The following FES variants were observed in gnomAD, a reference collection of about 807,000 sequenced individuals.
FES encodes FES proto-oncogene, tyrosine kinase, also known as tyrosine-protein kinase Fes/Fps.
FES carries 83 observed loss-of-function variants against 109.6 expected under a neutral mutation model. The ratio of observed to expected loss-of-function variants is 0.76; its 90% CI spans 0.63 to 0.91. The LOEUF (loss-of-function observed/expected upper bound fraction) is 0.91. Ranked by LOEUF, FES falls within the 40% of genes least tolerant of loss-of-function variation. The pLI, the probability that FES is intolerant of heterozygous loss-of-function variation, is 0.00. For synonymous variants in FES, 458 were observed against 442.1 expected (o/e 1.04, Z -0.45); for missense variants, 943 against 1,070.9 (o/e 0.88, Z 1.67).
In FES at chr15:90,890,821, C is replaced by T. The variant is rs573576019; in HGVS notation, c.1321-161C>T. 1.9e-3 allele frequency among the ~76,000 whole-genome samples: 286 copies of T among 152,296 alleles called. 1 individual carries two copies. Among genetic ancestry groups the T allele is most frequent in the African/African-American group, 6.5e-3 (272 of 41,570 alleles). ...AGCTCTGCCCAGCGTGAGCCTGGGC[C>T]AGTCCAGTGCCCACTCCAGGGGCCT... On this transcript the variant is annotated intron_variant, in intron 10 of 18. Transcript: ENST00000328850.
At position 90,895,460 on chromosome 15, in the gene FES, A is replaced by T; in HGVS notation, c.2371A>T (p.Arg791Trp). 1 of 1,587,944 alleles carries T rather than the reference A, an allele frequency of 6.3e-7. No homozygotes were observed. Among genetic ancestry groups the T allele is most frequent in the Non-Finnish European group, 8.6e-7 (1 of 1,164,884 alleles). Reference sequence around the variant, plus strand: ...AGAGCTGTGTCCTGATGCCGTGTTCAGGCTCATGGAGCAGTGCTGGGCCTA... The same window carrying T: ...AGAGCTGTGTCCTGATGCCGTGTTCTGGCTCATGGAGCAGTGCTGGGCCTA... Reference protein sequence around the residue: ...CPELCPDAVFRLMEQCWAYEP... With the variant: ...CPELCPDAVFWLMEQCWAYEP... Residue 791 changes from arginine to tryptophan, a missense_variant, in exon 19 of 19, where the codon AGG (arginine) becomes TGG (tryptophan). Physicochemically the swap from Arg to Trp is moderately radical, Grantham distance 101. Transcript: ENST00000328850.
chr15:90,894,544 C>G (rs772813180), intron 18 of FES, among the ~76,000 whole-genome samples: 1 of 152,056 alleles, frequency 6.6e-6, no homozygotes, highest in Admixed American at 6.6e-5. Flanking sequence ...GAGATTGTGC[C>G]ACTGCACTCC....
In FES at chr15:90,891,024, C is replaced by T. The variant is rs1287021999; in HGVS notation, c.1363C>T (p.Leu455=). 2 of 1,597,966 alleles carry T rather than the reference C, an allele frequency of 1.3e-6. No homozygotes were observed. The highest frequency in any genetic ancestry group is 1.1e-5 in the South Asian group (1 of 88,214). The change falls in exon 11 of 19, where the codon CTG becomes TTG. Residue 455 remains leucine, a synonymous_variant. Transcript: ENST00000328850. ...GCTCATTCCGGAGGTGCAGAAGCCC[C>T]TGCATGAGCAGCTGTGGTACCACGG... is the stretch of plus-strand genomic sequence containing the variant. ...LQLIPEVQKP[L]HEQLWYHGAI... is the part of the protein sequence containing the mutation.
In FES at chr15:90,890,439, G is replaced by A. The variant is rs753584672; in HGVS notation, c.1275G>A (p.Glu425=). 1 of 1,613,148 alleles carries A rather than the reference G, an allele frequency of 6.2e-7. No individual in the cohort carries two copies. Among genetic ancestry groups the A allele is most frequent in the Non-Finnish European group, 8.5e-7 (1 of 1,179,920 alleles). Reference sequence around the variant, plus strand: ...AGGGGGGAAGGACACCCACGCTGGAGATCCTTAAGAGCCACATCTCAGGAA... The same window carrying A: ...AGGGGGGAAGGACACCCACGCTGGAAATCCTTAAGAGCCACATCTCAGGAA... The part of the protein sequence containing the change: ...EREGGRTPTL[E]ILKSHISGIF... The change falls in exon 10 of 19, where the codon GAG becomes GAA. Residue 425 remains glutamate (E), a synonymous_variant. Transcript: ENST00000328850.
intron 3 of FES, among the ~76,000 whole-genome samples, 194 bp from the exon 4 acceptor site, chr15:90,886,767 C>T (rs1384123056): frequency 6.6e-6 from 1 of 152,244 alleles, no homozygotes; most frequent in Admixed American, 6.5e-5. Context: ...CTGTAGTCTA[C>T]CTCTTTGCCT....
intron 16 of FES, 109 bp from the exon 17 acceptor site, chr15:90,893,543 CAG>C (rs2033432903): frequency 1.3e-6 from 2 of 1,488,970 alleles, no homozygotes; most frequent in Non-Finnish European, 9.0e-7. Flanking sequence ...CTGTGGTAGA[CAG>C]GGGTGCCCAG....
chr15:90,888,744 G>GTTTA (rs1567095368), intron 5 of FES, among the ~76,000 whole-genome samples: 3 of 139,428 alleles, frequency 2.2e-5, no homozygotes, highest in East Asian at 4.2e-4. Context: ...AAGGATAGCA[G>GTTTA]TTCATTTATT....
chr15:90,884,782 G>A (rs995771233), intron 1 of FES: 2 of 450,994 alleles, frequency 4.4e-6, no homozygotes, highest in African/African-American at 2.0e-5. Context: ...GGGTGGAAGG[G>A]CCTGGGGAGG....
rs2032698813 is a variant in FES, at chr15:90,886,948, C to T, written c.388-13C>T. 3 of 1,613,640 alleles carry T rather than the reference C, an allele frequency of 1.9e-6. No individual in the cohort carries two copies. The highest frequency in any genetic ancestry group is 2.2e-5 in the East Asian group (1 of 44,882). On this transcript the variant is annotated splice_polypyrimidine_tract_variant and intron_variant, in intron 3 of 18. Transcript: ENST00000328850. ...GACCTGCTGCCCCACACTGGCCTCTCCTCTCTCCCTAGACCCACAGCCAGG... is the reference window on the plus strand; with the variant it reads ...GACCTGCTGCCCCACACTGGCCTCTTCTCTCTCCCTAGACCCACAGCCAGG...
chr15:90,893,864 C>A, intron 17 of FES, 53 bp downstream of exon 17: 1 of 1,605,454 alleles, frequency 6.2e-7, no homozygotes, highest in Non-Finnish European at 8.5e-7. Context: ...AGGCCTGGGT[C>A]CTGCCGGCTG....
In FES at chr15:90,889,121, T is replaced by A; in HGVS notation, c.669-185T>A. 8.5e-6 allele frequency: 6 copies of A among 706,020 alleles called. No homozygotes were observed. Among genetic ancestry groups the A allele is most frequent in the Admixed American group, 2.9e-5 (1 of 34,124 alleles). 43.7% of individuals were successfully genotyped at this position (706,020 alleles called of 1,614,324 possible). On this transcript the variant is annotated intron_variant, in intron 5 of 18. Transcript: ENST00000328850. This position sits in a 1 kb window ranked among gnomAD's most constrained non-coding sequence, Gnocchi z 6.1. ...CTTATTACAACTGCCAGTGTCCCTCTTATATATATCAGGAAATAGAAGATT... is the reference window on the plus strand; with the variant it reads ...CTTATTACAACTGCCAGTGTCCCTCATATATATATCAGGAAATAGAAGATT...
At position 90,885,495 on chromosome 15, in the gene FES, G is replaced by A. The variant is rs755226546; in HGVS notation, c.297G>A (p.Leu99=). 3.3e-5 allele frequency: 54 copies of A among 1,613,318 alleles called. No individual in the cohort carries two copies. The highest frequency in any genetic ancestry group is 4.3e-5 in the Non-Finnish European group (51 of 1,180,042). Residue 99 remains leucine, a synonymous_variant, in exon 3 of 19, where the codon CTG becomes CTA. Transcript: ENST00000328850. ...QHAEDLNSGP[L]SKLSLLIRER... ...CAGAGGATCTGAACTCAGGGCCCCT[G>A]AGCAAGCTGAGCCTGCTCATCCGGG...
chr15:90,890,186 G>T lies in FES; in HGVS notation c.1144G>T (p.Glu382Ter). The T allele has an allele frequency of 6.2e-7, 1 of 1,602,150 alleles. No individual in the cohort carries two copies. Residue 382 changes from glutamate to a stop codon, truncating the protein, a stop_gained, in exon 9 of 19, where the codon GAG becomes TAG. Transcript: ENST00000328850. LOFTEE classifies it high-confidence loss of function. ...CCAGGCCAAGCTGCAGGCCCAGCAG[G>T]AGTTGCTGCAGACCAAGCTGGAGCA... ...CSQAKLQAQQ[E>*]LLQTKLEHLG...
intron 5 of FES, among the ~76,000 whole-genome samples, chr15:90,887,982 C>A (rs1056311296): frequency 2.0e-5 from 3 of 152,126 alleles, no homozygotes; most frequent in Non-Finnish European, 4.4e-5. Flanking sequence ...GAGTCATACA[C>A]GAGGCTGGAG....
chr15:90,892,413 T>A (rs1371418463), intron 13 of FES: 7 of 581,776 alleles, frequency 1.2e-5, no homozygotes, highest in Non-Finnish European at 2.2e-5. Context: ...AGATACCTGT[T>A]TAGGGAAGAA....
In FES at chr15:90,891,175, T is replaced by C; in HGVS notation, c.1514T>C (p.Ile505Thr). The change falls in exon 11 of 19, where the codon ATC (isoleucine) becomes ACC (threonine). Residue 505 changes from isoleucine (I) to threonine (T), a missense_variant. Physicochemically the swap from Ile to Thr is moderately conservative, Grantham distance 89. Coordinates refer to ENST00000328850, the MANE Select transcript of FES (RefSeq NM_002005.4). The part of the protein sequence containing the change: ...VLWDGLPRHF[I>T]IQSLDNLYRL... ...TGGGATGGTCTGCCCCGGCACTTCA[T>C]CATCCAGTCCTTGGATGTGAGTGGG... 1 of 1,558,600 alleles carries C rather than the reference T, an allele frequency of 6.4e-7. No homozygotes were observed. Among genetic ancestry groups the C allele is most frequent in the Non-Finnish European group, 8.7e-7 (1 of 1,151,500 alleles).
intron 12 of FES, 89 bp downstream of exon 12, chr15:90,891,765 CT>C: frequency 6.4e-7 from 1 of 1,557,774 alleles, no homozygotes; most frequent in Non-Finnish European, 8.7e-7. Context: ...GCAGAAAGGG[CT>C]TTCCAGGCCC....
At chr15:90,891,506 C>T (rs747241658) in intron 11 of FES, 48 bp from the exon 12 acceptor site, 8 of 1,610,940 alleles carry the variant, frequency 5.0e-6, no homozygotes, top group African/African-American at 2.7e-5. Context: ...CCAGGGCTCA[C>T]GCCCCCTCAG....
chr15:90,886,804 T>C (rs577312692), intron 3 of FES, among the ~76,000 whole-genome samples, 157 bp from the exon 4 acceptor site: 116 of 152,340 alleles, frequency 7.6e-4, no homozygotes, highest in Middle Eastern at 3.4e-3. Flanking sequence ...TTTAACAGGC[T>C]CTCTGATCTT....
Sources: gnomAD v4.1 joint callset for allele counts (sites outside exome capture counted in the v4.1 genomes callset) on GRCh38, gnomAD v4.1.1 for gene constraint, Gnocchi (gnomAD v3.1) non-coding constraint, MANE v1.5 for transcripts, NCBI Gene and HGNC (gene_info 2026-07-23, HGNC 2026-07-21) for gene names.